The following SPIN1 variants were observed in gnomAD, a reference collection of about 807,000 sequenced individuals.
The protein encoded by SPIN1 is spindlin 1.
A neutral mutation model predicts 26.0 loss-of-function variants in SPIN1; 3 were observed. That is an observed-to-expected ratio of 0.12 (90% CI 0.05 to 0.30). SPIN1 has a LOEUF of 0.30. SPIN1 is among the 10% of genes least tolerant of loss of function. SPIN1 has a pLI of 1.00. For synonymous variants in SPIN1, 101 were observed against 116.5 expected, an observed-to-expected ratio of 0.87 and a Z score of 0.86; for missense variants, 126 against 333.4, an observed-to-expected ratio of 0.38 and a Z score of 4.84.
chr9:88,460,103 A>G (rs913546684), intron 3 of SPIN1, among the ~76,000 whole-genome samples: 2 of 152,130 alleles, frequency 1.3e-5, no homozygotes, highest in Non-Finnish European at 2.9e-5. Flanking sequence ...TAGTACATTC[A>G]AGTGTTTTGT....
intron 3 of SPIN1, among the ~76,000 whole-genome samples, chr9:88,450,455 G>T (rs1045665226): frequency 1.3e-5 from 2 of 151,332 alleles, no homozygotes; most frequent in Admixed American, 6.6e-5. Flanking sequence ...TAGGATTTCA[G>T]ATATTAATAG....
intron 3 of SPIN1, among the ~76,000 whole-genome samples, chr9:88,454,484 A>T (rs1036963258): frequency 1.1e-4 from 16 of 152,052 alleles, no homozygotes; most frequent in Non-Finnish European, 1.8e-4. Context: ...AACTTTTGTT[A>T]TTAATAGTGT....
chr9:88,392,559 C>G lies in SPIN1; in HGVS notation c.-159+4021C>G, dbSNP rs372607087. Among the ~76,000 whole-genome samples, 192 of 152,036 alleles carry G rather than the reference C, an allele frequency of 1.3e-3. 5 individuals carry two copies. In the South Asian group the frequency reaches 0.036, roughly 29 times the overall value. ...ATTTCAATCCCAGCCAAAAGTTAGC[C>G]CCTTGTTACCTGTCTCCTCTCCTCT... is the stretch of plus-strand genomic sequence containing the variant. On this transcript the variant is annotated intron_variant, in intron 1 of 5. Transcript: ENST00000375859.
chr9:88,442,859 C>T (rs1010267228), intron 2 of SPIN1, among the ~76,000 whole-genome samples: 13 of 151,878 alleles, frequency 8.6e-5, no homozygotes, highest in Non-Finnish European at 1.3e-4. Flanking sequence ...TGGTGGCGCA[C>T]GCCTGTAATC....
intron 3 of SPIN1, among the ~76,000 whole-genome samples, chr9:88,458,385 C>T (rs751538981): frequency 9.2e-5 from 14 of 152,108 alleles, no homozygotes; most frequent in Non-Finnish European, 2.1e-4. Context: ...TAAAGGACCC[C>T]GGGTCCAGTT....
intron 1 of SPIN1, among the ~76,000 whole-genome samples, chr9:88,402,700 C>G (rs893179988): frequency 2.0e-5 from 3 of 152,098 alleles, no homozygotes; most frequent in Admixed American, 2.0e-4. Context: ...TTCTTTATCT[C>G]TCTGCTCATT....
intron 1 of SPIN1, chr9:88,410,492 C>G: frequency 1.3e-6 from 1 of 753,324 alleles, no homozygotes; most frequent in Non-Finnish European, 2.4e-6. Context: ...TCTGTCACTT[C>G]TCTGGTTCTC....
intron 5 of SPIN1, among the ~76,000 whole-genome samples, chr9:88,473,624 C>T (rs962597571): frequency 6.7e-6 from 1 of 149,616 alleles, no homozygotes; most frequent in Non-Finnish European, 1.5e-5. Context: ...GATCTTCCCT[C>T]TCCTTTAATT....
intron 1 of SPIN1, among the ~76,000 whole-genome samples, chr9:88,421,270 A>G (rs1191716301): frequency 1.3e-5 from 2 of 151,874 alleles, no homozygotes; most frequent in Non-Finnish European, 2.9e-5. Context: ...CTGCATTTAA[A>G]TTTTCCCAGT....
chr9:88,452,772 G>C (rs1478239062), intron 3 of SPIN1, among the ~76,000 whole-genome samples: 7 of 152,142 alleles, frequency 4.6e-5, no homozygotes, highest in African/African-American at 1.7e-4. Flanking sequence ...CTGCAAAGCA[G>C]GTTTTTTTCT....
chr9:88,458,962 G>A (rs1396334222), intron 3 of SPIN1, among the ~76,000 whole-genome samples: 1 of 152,186 alleles, frequency 6.6e-6, no homozygotes, highest in African/African-American at 2.4e-5. Flanking sequence ...CTTTCACAGA[G>A]ACATCTAGAG....
intron 1 of SPIN1, among the ~76,000 whole-genome samples, chr9:88,404,540 C>T (rs1056391272): frequency 6.6e-6 from 1 of 152,104 alleles, no homozygotes; most frequent in African/African-American, 2.4e-5. Context: ...TATAGAAATA[C>T]TTTCTTCCTG....
At chr9:88,438,100 G>C (rs1013828514) in intron 2 of SPIN1, among the ~76,000 whole-genome samples, 8 of 151,160 alleles carry the variant, frequency 5.3e-5, no homozygotes, top group African/African-American at 1.9e-4. Flanking sequence ...GCAGTGCATC[G>C]AGATCATGCT....
At position 88,475,845 on chromosome 9, in the gene SPIN1, A is replaced by G. The variant is rs1828880721; in HGVS notation, c.*568A>G. ...TGCTTTACCCAAGTCAGTCATGGAT[A>G]TGATATCACTGCTCTTTATTTAAAA... On this transcript the variant is annotated 3_prime_UTR_variant, in exon 6 of 6. Coordinates refer to ENST00000375859, the MANE Select transcript of SPIN1 (RefSeq NM_006717.3). The G allele has an allele frequency of 6.6e-6, 1 of 152,156 alleles. No individual in the cohort carries two copies. Among genetic ancestry groups the G allele is most frequent in the Non-Finnish European group, 1.5e-5 (1 of 68,066 alleles). 9.4% of individuals were successfully genotyped at this position (152,156 alleles called of 1,614,324 possible).
intron 1 of SPIN1, among the ~76,000 whole-genome samples, chr9:88,394,575 T>A (rs1827012107): frequency 6.6e-6 from 1 of 152,188 alleles, no homozygotes; most frequent in Non-Finnish European, 1.5e-5. Flanking sequence ...ATAATTGCAT[T>A]ATCTTACAGT....
chr9:88,473,510 A>C (rs1172371261), intron 5 of SPIN1, among the ~76,000 whole-genome samples: 1 of 152,212 alleles, frequency 6.6e-6, no homozygotes, highest in African/African-American at 2.4e-5. Flanking sequence ...GTATGAGGTG[A>C]CTTGAACATT....
At position 88,476,123 on chromosome 9, in the gene SPIN1, A is replaced by C. The variant is rs918581797; in HGVS notation, c.*846A>C. The C allele has an allele frequency of 2.0e-5, 3 of 151,898 alleles. No homozygotes were observed. The highest frequency in any genetic ancestry group is 4.4e-5 in the Non-Finnish European group (3 of 67,986). 9.4% of individuals were successfully genotyped at this position (151,898 alleles called of 1,614,324 possible). A position where few individuals can be genotyped will look rare whatever the true frequency, so the allele number is the denominator to read the frequency against. ...TTTTAATCATAAATTCTTTTTTGCA[A>C]AGCCCAGGTTCTTGTTCCACACAGT... On this transcript the variant is annotated 3_prime_UTR_variant, in exon 6 of 6. Coordinates refer to ENST00000375859, the MANE Select transcript of SPIN1 (RefSeq NM_006717.3).
At chr9:88,403,681 T>G (rs2117921232) in intron 1 of SPIN1, among the ~76,000 whole-genome samples, 1 of 152,270 alleles carries the variant, frequency 6.6e-6, no homozygotes, top group Middle Eastern at 3.4e-3. Flanking sequence ...ACCGCTGCAC[T>G]TAGCCTGGGT....
intron 2 of SPIN1, 29 bp from the exon 3 acceptor site, chr9:88,448,912 C>T: frequency 6.2e-7 from 1 of 1,609,218 alleles, no homozygotes; most frequent in Non-Finnish European, 8.5e-7. Context: ...ATCTGGTTTT[C>T]ATTGACTATA....
Sources: gnomAD v4.1 joint callset for allele counts (sites outside exome capture counted in the v4.1 genomes callset) on GRCh38, gnomAD v4.1.1 for gene constraint, MANE v1.5 for transcripts, NCBI Gene and HGNC (gene_info 2026-07-23, HGNC 2026-07-21) for gene names.